The following TTC39C variants were observed in gnomAD, a reference collection of about 807,000 sequenced individuals.
TTC39C encodes the protein tetratricopeptide repeat domain 39C, also known as tetratricopeptide repeat protein 39C.
In TTC39C, 33 loss-of-function variants were observed where a neutral mutation model predicts 76.3. The ratio of observed to expected loss-of-function variants is 0.43; its 90% confidence interval spans 0.33 to 0.58. The LOEUF (loss-of-function observed/expected upper bound fraction) is 0.58, where lower values mean the gene tolerates loss of function less well. TTC39C is among the 20% of genes least tolerant of loss of function. TTC39C has a pLI of 0.04. For synonymous variants in TTC39C, 254 were observed against 260.6 expected (o/e 0.97, Z 0.24); for missense variants, 595 against 701.4 (o/e 0.85, Z 1.71).
intron 1 of TTC39C, among the ~76,000 whole-genome samples, chr18:24,041,927 A>C (rs2083798497): frequency 6.6e-6 from 1 of 152,170 alleles, no homozygotes. Flanking sequence ...CCCTCTCTAT[A>C]GGCCACCAGT....
rs550053208 is a variant in TTC39C at position 24,064,127 on chromosome 18, G to GT, written c.168-6dup. On this transcript the variant is annotated splice_polypyrimidine_tract_variant and intron_variant, in intron 1 of 13. Coordinates refer to ENST00000317571, the MANE Select transcript of TTC39C (RefSeq NM_001135993.2). ...AATTGTATTTTGTGTGTGTGTGTGTGTTTTTTTAACAGAAATCATAGCCCA... is the reference window on the plus strand; with the variant it reads ...AATTGTATTTTGTGTGTGTGTGTGTGTTTTTTTTAACAGAAATCATAGCCCA... 9.6e-5 allele frequency: 154 copies of GT among 1,609,096 alleles called. No individual in the cohort carries two copies. The highest frequency in any genetic ancestry group is 4.4e-4 in the Admixed American group (26 of 59,024).
chr18:24,087,582 G>GT lies in TTC39C; in HGVS notation c.984+4511dup, dbSNP rs142766325. 2.6e-3 allele frequency among the ~76,000 whole-genome samples: 323 copies of GT among 124,188 alleles called. 2 individuals are homozygous for GT. The highest frequency in any genetic ancestry group is 0.016 in the East Asian group (73 of 4,534). 81.5% of individuals were successfully genotyped at this position (124,188 alleles called of 152,430 possible). On this transcript the variant is annotated intron_variant, in intron 6 of 13. Transcript: ENST00000317571. Reference sequence around the variant, plus strand: ...TTCCTATGCAAGCATTTTGAGAACTGTTTTTTTTTTGTTTTTTTTTGAGAC... The same window carrying GT: ...TTCCTATGCAAGCATTTTGAGAACTGTTTTTTTTTTTGTTTTTTTTTGAGAC...
chr18:24,083,246 C>G (rs975931352), intron 6 of TTC39C, among the ~76,000 whole-genome samples, 165 bp downstream of exon 6: 2 of 152,104 alleles, frequency 1.3e-5, no homozygotes, highest in African/African-American at 4.8e-5. Flanking sequence ...CTTCCAGGAA[C>G]CCAGGATGTT....
At chr18:24,093,365 G>C (rs1480539305) in intron 6 of TTC39C, among the ~76,000 whole-genome samples, 1 of 151,994 alleles carries the variant, frequency 6.6e-6, no homozygotes, top group African/African-American at 2.4e-5. Context: ...TGTAGTCCCA[G>C]CTACTTGGGA....
chr18:24,041,447 T>C (rs1255750506), intron 1 of TTC39C, among the ~76,000 whole-genome samples: 1 of 152,184 alleles, frequency 6.6e-6, no homozygotes, highest in Non-Finnish European at 1.5e-5. Context: ...TCCAGCAGCG[T>C]GTTAACCGTG....
chr18:24,118,592 A>T (rs1372502961), intron 8 of TTC39C, among the ~76,000 whole-genome samples: 2 of 151,372 alleles, frequency 1.3e-5, no homozygotes, highest in Non-Finnish European at 2.9e-5. Context: ...TTAATATGCT[A>T]TGTTTTTTAT....
rs142819485 is a variant in TTC39C, at chr18:24,119,870, G to T, written c.1186+1638G>T. Among the ~76,000 whole-genome samples, 111 of 152,236 alleles carry T rather than the reference G, an allele frequency of 7.3e-4. 1 individual carries two copies. Among genetic ancestry groups the T allele is most frequent in the African/African-American group, 2.5e-3 (104 of 41,546 alleles). The stretch of plus-strand genomic sequence containing the variant: ...CGCAGCCATTAGGTGTAATTGGGCC[G>T]CACAGTCGATGGTGGACAGCTATTT... On this transcript the variant is annotated intron_variant, in intron 8 of 13. Coordinates refer to ENST00000317571, the MANE Select transcript of TTC39C (RefSeq NM_001135993.2).
At chr18:24,058,303 G>C (rs1568422032) in intron 1 of TTC39C, among the ~76,000 whole-genome samples, 1 of 152,100 alleles carries the variant, frequency 6.6e-6, no homozygotes, top group Non-Finnish European at 1.5e-5. Context: ...ATGTACCACT[G>C]AACCTAAAAT....
chr18:23,993,847 T>C (rs941724875), intron 1 of TTC39C, among the ~76,000 whole-genome samples: 3 of 152,196 alleles, frequency 2.0e-5, no homozygotes, highest in African/African-American at 7.2e-5. Flanking sequence ...ATTAGATGTT[T>C]TGGTATTAGG....
intron 6 of TTC39C, among the ~76,000 whole-genome samples, chr18:24,087,594 T>A (rs541557458): frequency 1.4e-5 from 2 of 141,578 alleles, no homozygotes; most frequent in African/African-American, 5.1e-5. Flanking sequence ...TTTTTTTTTG[T>A]TTTTTTTTGA....
intron 1 of TTC39C, among the ~76,000 whole-genome samples, chr18:24,030,394 C>T (rs2083652219): frequency 2.0e-5 from 3 of 152,162 alleles, no homozygotes; most frequent in Admixed American, 2.0e-4. Context: ...AGATCAGTAA[C>T]TCTTAATGAC....
chr18:24,090,366 A>G lies in TTC39C; in HGVS notation c.984+7285A>G, dbSNP rs116600059. ...CCAGAATATAATTATTCATTATTTT[A>G]TGCATGGTATCTACTCTACCCCATA... is the stretch of plus-strand genomic sequence containing the variant. On this transcript the variant is annotated intron_variant, in intron 6 of 13. Transcript: ENST00000317571. Among the ~76,000 whole-genome samples, 416 of 152,316 alleles carry G rather than the reference A, an allele frequency of 2.7e-3. 1 individual carries two copies. Among genetic ancestry groups the G allele is most frequent in the African/African-American group, 9.5e-3 (397 of 41,578 alleles).
intron 10 of TTC39C, among the ~76,000 whole-genome samples, chr18:24,128,583 A>T (rs2085080416): frequency 6.6e-6 from 1 of 152,116 alleles, no homozygotes; most frequent in Non-Finnish European, 1.5e-5. Context: ...AAACTCCCGT[A>T]ACATTCTCTA....
intron 10 of TTC39C, among the ~76,000 whole-genome samples, chr18:24,126,726 C>T (rs1463121583): frequency 1.3e-5 from 2 of 151,846 alleles, no homozygotes; most frequent in East Asian, 1.9e-4. Flanking sequence ...TAACTCACTG[C>T]AGCCTCAAAC....
intron 6 of TTC39C, among the ~76,000 whole-genome samples, chr18:24,099,706 G>A (rs1599324914): frequency 6.6e-6 from 1 of 151,964 alleles, no homozygotes; most frequent in East Asian, 1.9e-4. Context: ...ATCACTTAAA[G>A]TAATTAAACT....
rs764166790 is a variant in TTC39C at position 24,080,540 on chromosome 18, A to G, written c.461-45A>G. On this transcript the variant is annotated intron_variant, in intron 4 of 13. Coordinates refer to ENST00000317571, the MANE Select transcript of TTC39C (RefSeq NM_001135993.2). The stretch of plus-strand genomic sequence containing the variant: ...TATCCTTTACTATAGAAATAGAAAA[A>G]TTATTTTGAATGTTTTTGAATCTTT... 4.9e-6 allele frequency: 7 copies of G among 1,442,688 alleles called. No individual in the cohort carries two copies. In the African/African-American group the frequency reaches 8.6e-5, roughly 18 times the overall value. 89.4% of individuals were successfully genotyped at this position (1,442,688 alleles called of 1,614,324 possible). A position where few individuals can be genotyped will look rare whatever the true frequency, so the allele number is the denominator to read the frequency against.
At chr18:24,097,675 C>T (rs1189222067) in intron 6 of TTC39C, among the ~76,000 whole-genome samples, 1 of 152,188 alleles carries the variant, frequency 6.6e-6, no homozygotes, top group Non-Finnish European at 1.5e-5. Flanking sequence ...TCTTCAACAT[C>T]GTCTTGGCCC....
intron 11 of TTC39C, 51 bp downstream of exon 11, chr18:24,129,034 C>T (rs762727825): frequency 1.5e-5 from 21 of 1,412,480 alleles, no homozygotes; most frequent in South Asian, 1.4e-4. Context: ...CGAACACCTA[C>T]GTATATGCTT....
At position 24,132,537 on chromosome 18, in the gene TTC39C, C is replaced by T; in HGVS notation, c.1715C>T (p.Ala572Val). The T allele has an allele frequency of 6.2e-7, 1 of 1,614,086 alleles. No individual in the cohort carries two copies. The highest frequency in any genetic ancestry group is 2.2e-5 in the East Asian group (1 of 44,884). The change falls in exon 14 of 14, where the codon GCT becomes GTT. Residue 572 changes from alanine (A) to valine (V), a missense_variant. Transcript: ENST00000317571. ...AACAGATTGCATGTCCGCATCCATG[C>T]TGCTCTGGCCTCTCTGAGGGAATTG... ...FENRLHVRIH[A>V]ALASLRELVP...
Sources: gnomAD v4.1 joint callset for allele counts (sites outside exome capture counted in the v4.1 genomes callset) on GRCh38, gnomAD v4.1.1 for gene constraint, MANE v1.5 for transcripts, NCBI Gene and HGNC (gene_info 2026-07-23, HGNC 2026-07-21) for gene names.